Variants in CREB5 observed in about 807,000 individuals in gnomAD.
CREB5 encodes cyclic AMP-responsive element-binding protein 5.
A neutral mutation model predicts 57.1 loss-of-function variants in CREB5; 19 were observed. The observed-to-expected ratio is 0.33, with a 90% CI of 0.23 to 0.49. The LOEUF is 0.49. Ranked by LOEUF, CREB5 falls within the 20% of genes least tolerant of loss-of-function variation. CREB5 has a pLI of 0.99. For synonymous variants in CREB5, 238 were observed against 238.3 expected (o/e 1.00, Z 0.01); for missense variants, 579 against 671.6 (o/e 0.86, Z 1.52).
intron 1 of CREB5, among the ~76,000 whole-genome samples, chr7:28,337,543 G>A (rs1785849341): frequency 6.6e-6 from 1 of 150,986 alleles, no homozygotes; most frequent in South Asian, 2.1e-4. Flanking sequence ...TTATTTATTG[G>A]CATATATCAT....
intron 4 of CREB5, among the ~76,000 whole-genome samples, chr7:28,535,488 A>T (rs1382490177): frequency 7.0e-6 from 1 of 142,396 alleles, no homozygotes; most frequent in African/African-American, 2.6e-5. Context: ...CCTTCTCTTC[A>T]TCTCGACTTC....
intron 7 of CREB5, among the ~76,000 whole-genome samples, chr7:28,737,009 C>T (rs908573849): frequency 6.6e-6 from 1 of 151,982 alleles, no homozygotes; most frequent in African/African-American, 2.4e-5. Context: ...CATCCTGTTC[C>T]CACCCAGACC....
chr7:28,686,705 G>T (rs145943926), intron 5 of CREB5, among the ~76,000 whole-genome samples: 1 of 152,136 alleles, frequency 6.6e-6, no homozygotes, highest in African/African-American at 2.4e-5. Flanking sequence ...GGGGGTCAGG[G>T]TTGCAAAGCA....
intron 5 of CREB5, among the ~76,000 whole-genome samples, chr7:28,670,869 C>T (rs1800009405): frequency 6.6e-6 from 1 of 152,128 alleles, no homozygotes; most frequent in Admixed American, 6.5e-5. Flanking sequence ...ATTTCCCTTT[C>T]TTTTTAAATA....
intron 5 of CREB5, among the ~76,000 whole-genome samples, chr7:28,700,385 A>C (rs11761192): frequency 0.2 from 30,754 of 152,110 alleles, 3,544 homozygotes; most frequent in African/African-American, 0.31. Flanking sequence ...TTACACCCTC[A>C]GCTGACTTCC....
chr7:28,551,663 C>A (rs1794647592), intron 4 of CREB5, among the ~76,000 whole-genome samples: 1 of 152,136 alleles, frequency 6.6e-6, no homozygotes, highest in African/African-American at 2.4e-5. Flanking sequence ...TCTGAGTGGT[C>A]CCGAGACCTG....
intron 1 of CREB5, among the ~76,000 whole-genome samples, chr7:28,443,814 G>T (rs1417041740): frequency 6.6e-6 from 1 of 152,044 alleles, no homozygotes; most frequent in Non-Finnish European, 1.5e-5. Flanking sequence ...GACTCTTTGG[G>T]ACACATGTTT....
intron 7 of CREB5, among the ~76,000 whole-genome samples, chr7:28,801,939 G>A (rs1020812472): frequency 2.0e-5 from 3 of 151,730 alleles, no homozygotes; most frequent in African/African-American, 7.3e-5. Context: ...ACAAAAATTA[G>A]CTGGGCATGG....
rs931139353 is a variant in CREB5, at chr7:28,560,981, C to T, written c.292-9384C>T. 3.3e-3 allele frequency among the ~76,000 whole-genome samples: 73 copies of T among 22,394 alleles called. 4 individuals are homozygous for T. Among genetic ancestry groups the T allele is most frequent in the Middle Eastern group, 0.028 (1 of 36 alleles). The allele number at this position is 22,394 out of a possible 152,430, so 14.7% of individuals were successfully genotyped here. Reference sequence around the variant, plus strand: ...GTGTGCGTGTGTGTGTGCGTGTGTGCGTGCGTGTGTGTGCCTGCGTGTGCG... The same window carrying T: ...GTGTGCGTGTGTGTGTGCGTGTGTGTGTGCGTGTGTGTGCCTGCGTGTGCG... On this transcript the variant is annotated intron_variant, in intron 4 of 10. Transcript: ENST00000357727.
At chr7:28,500,431 T>C (rs907224628) in intron 3 of CREB5, among the ~76,000 whole-genome samples, 1 of 152,214 alleles carries the variant, frequency 6.6e-6, no homozygotes, top group Non-Finnish European at 1.5e-5. Context: ...GACTGGCTTC[T>C]TTATCCCGTC....
At chr7:28,404,216 G>C (rs1051046022) in intron 1 of CREB5, among the ~76,000 whole-genome samples, 1 of 152,160 alleles carries the variant, frequency 6.6e-6, no homozygotes, top group Non-Finnish European at 1.5e-5. Context: ...TCTTTCTCTT[G>C]CCTTCTATGT....
At chr7:28,348,738 G>A (rs1016071639) in intron 1 of CREB5, among the ~76,000 whole-genome samples, 2 of 152,140 alleles carry the variant, frequency 1.3e-5, no homozygotes, top group East Asian at 3.9e-4. Context: ...TCCTGGCAAT[G>A]AGACAGCAAT....
At position 28,515,745 on chromosome 7, in the gene CREB5, TCTTA is replaced by T. The variant is rs1320248214; in HGVS notation, c.291+8012_291+8015del. On this transcript the variant is annotated intron_variant, in intron 4 of 10. Coordinates refer to ENST00000357727, the MANE Select transcript of CREB5 (RefSeq NM_182898.4). The stretch of plus-strand genomic sequence containing the variant: ...TTCTATTACCTCAAGCCTAGACCAT[TCTTA>T]CTTCGTACTGGGTTATTGCTGCGAA... 3.9e-5 allele frequency among the ~76,000 whole-genome samples: 6 copies of T among 152,278 alleles called. No homozygotes were observed. The South Asian group carries it at 1.2e-3, about 32-fold the overall frequency.
chr7:28,561,632 T>C (rs1795274899), intron 4 of CREB5, among the ~76,000 whole-genome samples: 1 of 152,246 alleles, frequency 6.6e-6, no homozygotes, highest in Non-Finnish European at 1.5e-5. Context: ...ATTCATTTAC[T>C]TGCAGAATAA....
chr7:28,696,936 ATATATGTG>A (rs1801605487), intron 5 of CREB5, among the ~76,000 whole-genome samples: 1 of 151,822 alleles, frequency 6.6e-6, no homozygotes, highest in Non-Finnish European at 1.5e-5. Context: ...TATACTTCAC[ATATATGTG>A]TGTATATGTG....
intron 5 of CREB5, among the ~76,000 whole-genome samples, chr7:28,574,704 T>G (rs1239381214): frequency 1.3e-5 from 2 of 152,252 alleles, no homozygotes; most frequent in African/African-American, 4.8e-5. Context: ...TGTAGGGCAC[T>G]GGCCAAATAT....
chr7:28,687,644 A>G (rs1360339381), intron 5 of CREB5, among the ~76,000 whole-genome samples: 3 of 151,694 alleles, frequency 2.0e-5, no homozygotes, highest in South Asian at 2.1e-4. Context: ...AGACGTGATC[A>G]TCCTACAGCT....
intron 7 of CREB5, among the ~76,000 whole-genome samples, chr7:28,769,471 G>T (rs1806205889): frequency 6.6e-6 from 1 of 152,040 alleles, no homozygotes; most frequent in African/African-American, 2.4e-5. Context: ...GTATAATTAT[G>T]TACCAAATAA....
At chr7:28,321,116 C>T (rs2270217) in intron 1 of CREB5, among the ~76,000 whole-genome samples, 84,651 of 152,050 alleles carry the variant, frequency 0.56, 24,263 homozygotes, top group African/African-American at 0.7. Context: ...GAGGATTAAA[C>T]ACGCTAGAGC....
Sources: allele counts gnomAD v4.1 joint callset (sites outside exome capture counted in the v4.1 genomes callset), GRCh38; gene constraint gnomAD v4.1.1; transcripts MANE v1.5; gene names NCBI Gene and HGNC (gene_info 2026-07-23, HGNC 2026-07-21).